ATG2A: variants seen among roughly 807,000 people sequenced by gnomAD.
ATG2A encodes autophagy related 2A, also known as autophagy-related protein 2 homolog A.
ATG2A carries 103 observed loss-of-function variants against 214.2 expected under a neutral mutation model. The observed-to-expected ratio is 0.48, with a 90% confidence interval of 0.41 to 0.57. The LOEUF (loss-of-function observed/expected upper bound fraction) is 0.57, where lower values mean the gene tolerates loss of function less well. Ranked by LOEUF, ATG2A falls within the 20% of genes least tolerant of loss-of-function variation. The pLI, the probability that ATG2A is intolerant of heterozygous loss-of-function variation, is 0.00. For missense variants in ATG2A, 2,312 were observed against 2,613.2 expected (o/e 0.88, Z 2.51); for synonymous variants, 1,160 against 1,142.1 (o/e 1.02, Z -0.32).
rs148750841 is a variant in ATG2A at position 64,895,355 on chromosome 11, G to A, written c.5515C>T (p.Arg1839Cys). ...LQDKRSARRL[R>C]RGQQPADLRE... is the part of the protein sequence containing the mutation. ...AGGTCGGCAGGCTGCTGGCCCCTGC[G>A]CAGCCTCCGCGCAGAGCGCTTATCC... Residue 1839 changes from arginine (R) to cysteine (C), a missense_variant, in exon 40 of 41, where the codon CGC becomes TGC. Coordinates refer to ENST00000377264, the MANE Select transcript of ATG2A (RefSeq NM_015104.3). The surrounding 1 kb of genome is among the most constrained non-coding windows in gnomAD (Gnocchi z 5.0). 3.1e-5 allele frequency: 50 copies of A among 1,612,902 alleles called. No individual in the cohort carries two copies. In the African/African-American group the frequency reaches 4.1e-4, roughly 13 times the overall value.
At position 64,895,464 on chromosome 11, in the gene ATG2A, G is replaced by A. The variant is rs1308690827; in HGVS notation, c.5428-22C>T. The A allele has an allele frequency of 1.3e-6, 2 of 1,532,602 alleles. No individual in the cohort carries two copies. The highest frequency in any genetic ancestry group is 1.8e-6 in the Non-Finnish European group (2 of 1,136,554). 94.9% of individuals were successfully genotyped at this position (1,532,602 alleles called of 1,614,324 possible). A position where few individuals can be genotyped will look rare whatever the true frequency, so the allele number is the denominator to read the frequency against. On this transcript the variant is annotated intron_variant, in intron 39 of 40. Transcript: ENST00000377264. This position sits in a 1 kb window ranked among gnomAD's most constrained non-coding sequence, Gnocchi z 5.0. ...TGGCCTGGGGGACATGGGAGCACTG[G>A]ATGAGGACAGCTGGCTGGGGCACAC...
At chr11:64,905,341 A>G (rs1030525438) in intron 24 of ATG2A, among the ~76,000 whole-genome samples, 2 of 152,168 alleles carry the variant, frequency 1.3e-5, no homozygotes, top group African/African-American at 4.8e-5. Context: ...TCCTAGGACA[A>G]CCCTCAGACA....
At chr11:64,905,000 C>T (rs1467883444) in intron 24 of ATG2A, among the ~76,000 whole-genome samples, 1 of 152,060 alleles carries the variant, frequency 6.6e-6, no homozygotes, top group Non-Finnish European at 1.5e-5. Flanking sequence ...GGACTACAGG[C>T]GCCTGCCACC....
In ATG2A at chr11:64,895,762, G is replaced by C. The variant is rs924037977; in HGVS notation, c.5428-320C>G. 2.6e-5 allele frequency among the ~76,000 whole-genome samples: 4 copies of C among 152,252 alleles called. No individual in the cohort carries two copies. Among genetic ancestry groups the C allele is most frequent in the Admixed American group, 2.0e-4 (3 of 15,294 alleles). On this transcript the variant is annotated intron_variant, in intron 39 of 40. Transcript: ENST00000377264. This position sits in a 1 kb window ranked among gnomAD's most constrained non-coding sequence, Gnocchi z 5.0. ...ATGGCTGCCGCAGCTGCACGCCTGA[G>C]ACTGACCGCTCCTTGCCTGGCCCCC...
Position 64,903,459 on chromosome 11 carries a change from C to A in ATG2A, c.3536-95G>T. On this transcript the variant is annotated intron_variant, in intron 25 of 40. Transcript: ENST00000377264. The surrounding 1 kb of genome is among the most constrained non-coding windows in gnomAD (Gnocchi z 4.2). ...AGGATCCGGTTGATCCAGGTGTAGT[C>A]CCTGCTGTGCGGGCTACGTGTGGGA... 6.6e-7 allele frequency: 1 copy of A among 1,526,444 alleles called. No individual in the cohort carries two copies. The allele number at this position is 1,526,444 out of a possible 1,614,324, so 94.6% of individuals were successfully genotyped here. A position where few individuals can be genotyped will look rare whatever the true frequency, so the allele number is the denominator to read the frequency against.
At chr11:64,899,248 C>G (rs1193003709) in intron 31 of ATG2A, among the ~76,000 whole-genome samples, 1 of 152,206 alleles carries the variant, frequency 6.6e-6, no homozygotes, top group Non-Finnish European at 1.5e-5. Context: ...CCTGCCTCTC[C>G]CTCCAGACCT....
chr11:64,905,662 G>T lies in ATG2A; in HGVS notation c.3372-7C>A. ...CACTGGGAGGTAGAGTGGCCTGGGG[G>T]TGATACTCGGGCTGGGGCCGGCTCC... On this transcript the variant is annotated splice_region_variant and splice_polypyrimidine_tract_variant and intron_variant, in intron 23 of 40. Transcript: ENST00000377264. The T allele has an allele frequency of 6.2e-7, 1 of 1,613,844 alleles. No individual in the cohort carries two copies. The highest frequency in any genetic ancestry group is 1.7e-4 in the Middle Eastern group (1 of 6,060).
rs370733242 is a variant in ATG2A, at chr11:64,906,528, C to T, written c.2989G>A (p.Val997Met). Reference sequence around the variant, plus strand: ...TGACTGGGCAGCGGGTAGTCATCCACGGCCGCTGGGGAGGGGTCTCATGAG... The same window carrying T: ...TGACTGGGCAGCGGGTAGTCATCCATGGCCGCTGGGGAGGGGTCTCATGAG... ...EKATLYHRAA[V>M]DDYPLPSHLD... The change falls in exon 21 of 41, where the codon GTG (valine) becomes ATG (methionine). Residue 997 changes from valine to methionine, a missense_variant. Physicochemically the swap from Val to Met is conservative, Grantham distance 21. Coordinates refer to ENST00000377264, the MANE Select transcript of ATG2A (RefSeq NM_015104.3). The T allele has an allele frequency of 1.7e-5, 28 of 1,612,622 alleles. No homozygotes were observed. Among genetic ancestry groups the T allele is most frequent in the South Asian group, 9.9e-5 (9 of 91,050 alleles).
chr11:64,906,532 C>G lies in ATG2A; in HGVS notation c.2985G>C (p.Ala995=). The change falls in exon 21 of 41, where the codon GCG becomes GCC. Residue 995 remains alanine (A), a splice_region_variant and synonymous_variant. Coordinates refer to ENST00000377264, the MANE Select transcript of ATG2A (RefSeq NM_015104.3). ...TGGGCAGCGGGTAGTCATCCACGGC[C>G]GCTGGGGAGGGGTCTCATGAGCCCC... ...EAEKATLYHR[A]AVDDYPLPSH... is the part of the protein sequence containing the mutation. 6.2e-7 allele frequency: 1 copy of G among 1,612,630 alleles called. No individual in the cohort carries two copies. Among genetic ancestry groups the G allele is most frequent in the Non-Finnish European group, 8.5e-7 (1 of 1,179,732 alleles).
intron 28 of ATG2A, 36 bp downstream of exon 28, chr11:64,902,220 CCTGA>C (rs770555058): frequency 2.5e-6 from 4 of 1,612,916 alleles, no homozygotes; most frequent in East Asian, 2.2e-5. Flanking sequence ...ACAGTGGGTG[CCTGA>C]CTGTGTCTGC....
chr11:64,905,673 G>T lies in ATG2A; in HGVS notation c.3372-18C>A. ...AGAGTGGCCTGGGGGTGATACTCGG[G>T]CTGGGGCCGGCTCCTTACACCTGAG... On this transcript the variant is annotated intron_variant, in intron 23 of 40. Coordinates refer to ENST00000377264, the MANE Select transcript of ATG2A (RefSeq NM_015104.3). 6.2e-7 allele frequency: 1 copy of T among 1,613,552 alleles called. No homozygotes were observed. The highest frequency in any genetic ancestry group is 8.5e-7 in the Non-Finnish European group (1 of 1,179,838).
Position 64,894,812 on chromosome 11 carries a change from G to T in ATG2A, c.*161C>A. 2.2e-6 allele frequency: 2 copies of T among 897,642 alleles called. No individual in the cohort carries two copies. The highest frequency in any genetic ancestry group is 3.7e-6 in the Non-Finnish European group (2 of 543,520). The allele number at this position is 897,642 out of a possible 1,614,324, so 55.6% of individuals were successfully genotyped here. On this transcript the variant is annotated 3_prime_UTR_variant, in exon 41 of 41. Coordinates refer to ENST00000377264, the MANE Select transcript of ATG2A (RefSeq NM_015104.3). ...AGGGCTAAGGCCCCAAGGCAGGGAG[G>T]CCCCCCTCTCACAGCAGATTGGCAA...
Position 64,917,108 on chromosome 11 carries a change from T to C in ATG2A, c.28A>G (p.Asn10Asp). 1 of 1,612,250 alleles carries C rather than the reference T, an allele frequency of 6.2e-7. No homozygotes were observed. Among genetic ancestry groups the C allele is most frequent in the Non-Finnish European group, 8.5e-7 (1 of 1,179,668 alleles). Residue 10 changes from asparagine to aspartate, a missense_variant, in exon 1 of 41, where the codon AAC (asparagine) becomes GAC (aspartate). By Grantham distance (23) the Asn-to-Asp change is conservative (BLOSUM62 1). Transcript: ENST00000377264. Reference sequence around the variant, plus strand: ...CGGCAGACCCGCTCTTTCACACAGTTTGACCATGGCCACAGCCATCGTGAC... The same window carrying C: ...CGGCAGACCCGCTCTTTCACACAGTCTGACCATGGCCACAGCCATCGTGAC... MSRWLWPWS[N>D]CVKERVCRYL... is the part of the protein sequence containing the mutation.
rs138464379 is a variant in ATG2A, at chr11:64,901,054, G to A, written c.4158C>T (p.Pro1386=). 8.7e-5 allele frequency: 137 copies of A among 1,582,156 alleles called. No individual in the cohort carries two copies. In the African/African-American group the frequency reaches 1.5e-3, roughly 17 times the overall value. ...DGEPVVTQLH[P]GPIVVRDGYF... ...AACCGTCCCTCACAACGATGGGGCC[G>A]GGATGCAGCTGTGTCACCACAGGCT... Residue 1386 remains proline (P), a synonymous_variant, in exon 30 of 41, where the codon CCC becomes CCT. Transcript: ENST00000377264.
In ATG2A at chr11:64,896,586, G is replaced by A; in HGVS notation, c.5303C>T (p.Pro1768Leu). 6.2e-7 allele frequency: 1 copy of A among 1,613,946 alleles called. No individual in the cohort carries two copies. Among genetic ancestry groups the A allele is most frequent in the South Asian group, 1.1e-5 (1 of 91,086 alleles). ...GCCATCCTTCCTGTACTGCTCAATGGGCAGCCACAGCAGGTCCCGGAACCC... is the reference window on the plus strand; with the variant it reads ...GCCATCCTTCCTGTACTGCTCAATGAGCAGCCACAGCAGGTCCCGGAACCC... ...FQGFRDLLWL[P>L]IEQYRKDGRL... Residue 1768 changes from proline to leucine, a missense_variant, in exon 39 of 41, where the codon CCC becomes CTC. Transcript: ENST00000377264.
intron 6 of ATG2A, 137 bp from the exon 7 acceptor site, chr11:64,912,560 A>C: frequency 2.9e-6 from 2 of 685,744 alleles, no homozygotes; most frequent in Non-Finnish European, 4.8e-6. Context: ...AGCTCTATGA[A>C]CCAGGCCACA....
At chr11:64,915,284 C>T (rs962925393) in intron 1 of ATG2A, among the ~76,000 whole-genome samples, 7 of 152,128 alleles carry the variant, frequency 4.6e-5, no homozygotes, top group Non-Finnish European at 4.4e-5. Context: ...CTGCCTCCCC[C>T]GTCACCCCAG....
chr11:64,910,586 C>T, intron 12 of ATG2A, 30 bp downstream of exon 12: 2 of 1,571,278 alleles, frequency 1.3e-6, no homozygotes, highest in Non-Finnish European at 1.7e-6. Flanking sequence ...GCCATGGGGA[C>T]AGCCTGGTGG....
intron 24 of ATG2A, among the ~76,000 whole-genome samples, chr11:64,904,503 C>T (rs1944468524): frequency 6.6e-6 from 1 of 151,746 alleles, no homozygotes; most frequent in South Asian, 2.1e-4. Context: ...TGAGATTGCG[C>T]CACTGCACTC....
Sources: gnomAD v4.1 joint callset for allele counts (sites outside exome capture counted in the v4.1 genomes callset) on GRCh38, gnomAD v4.1.1 for gene constraint, Gnocchi (gnomAD v3.1) non-coding constraint, MANE v1.5 for transcripts, NCBI Gene and HGNC (gene_info 2026-07-23, HGNC 2026-07-21) for gene names.